The following CPED1 variants were observed in gnomAD, a reference collection of about 807,000 sequenced individuals.
CPED1 encodes cadherin-like and PC-esterase domain-containing protein 1.
CPED1 carries 114 observed loss-of-function variants against 128.2 expected under a neutral mutation model. That is an observed-to-expected ratio of 0.89 (90% CI 0.76 to 1.04). CPED1 has a LOEUF of 1.04. Ranked by LOEUF, CPED1 falls within the 50% of genes least tolerant of loss-of-function variation. CPED1 has a pLI of 0.00. For missense variants in CPED1, 1,211 were observed against 1,207.1 expected (o/e 1.00, Z -0.05); for synonymous variants, 462 against 426.7 (o/e 1.08, Z -1.02).
At chr7:121,138,061 G>A (rs1409664329) in intron 14 of CPED1, among the ~76,000 whole-genome samples, 2 of 151,946 alleles carry the variant, frequency 1.3e-5, no homozygotes, top group Non-Finnish European at 1.5e-5. Flanking sequence ...AATTAGTCCT[G>A]CCTGGATCTT....
rs1321390630 is a variant in CPED1 at position 121,100,066 on chromosome 7, C to T, written c.890C>T (p.Pro297Leu). The change falls in exon 7 of 23, where the codon CCA becomes CTA. Residue 297 changes from proline to leucine, a missense_variant. Coordinates refer to ENST00000310396, the MANE Select transcript of CPED1 (RefSeq NM_024913.5). ...CATTCGACGGGCACAGTTTGGAATC[C>T]ACCAAAGAAAAAACGCTTCACTGTC... ...FIHSTGTVWN[P>L]PKKKRFTVKL... is the part of the protein sequence containing the mutation. The T allele has an allele frequency of 1.9e-6, 3 of 1,612,552 alleles. No individual in the cohort carries two copies. The highest frequency in any genetic ancestry group is 3.3e-5 in the Admixed American group (2 of 59,712).
chr7:121,212,297 C>A (rs553035589), intron 16 of CPED1, among the ~76,000 whole-genome samples: 1 of 152,112 alleles, frequency 6.6e-6, no homozygotes, highest in African/African-American at 2.4e-5. Flanking sequence ...AGCTAACATT[C>A]ACAGCTGGGA....
rs2116747427 is a variant in CPED1, at chr7:121,266,939, T to G, written c.2633+131T>G. On this transcript the variant is annotated intron_variant, in intron 20 of 22. Coordinates refer to ENST00000310396, the MANE Select transcript of CPED1 (RefSeq NM_024913.5). ...TATCATTAAGTACTTAAAGTCTAGT[T>G]TAAAATAATAAAGTAAAATAGTCTT... is the stretch of plus-strand genomic sequence containing the variant. 1.0e-5 allele frequency: 7 copies of G among 695,904 alleles called. No individual in the cohort carries two copies. In the South Asian group the frequency reaches 1.3e-4, roughly 13 times the overall value. The allele number at this position is 695,904 out of a possible 1,614,324, so 43.1% of individuals were successfully genotyped here. A position where few individuals can be genotyped will look rare whatever the true frequency, so the allele number is the denominator to read the frequency against.
intron 5 of CPED1, among the ~76,000 whole-genome samples, chr7:121,092,300 G>C (rs1794593071): frequency 6.6e-6 from 1 of 152,158 alleles, no homozygotes; most frequent in Non-Finnish European, 1.5e-5. Context: ...CAATAAGTTT[G>C]CCTTATACAA....
At chr7:121,059,167 T>C (rs927660002) in intron 4 of CPED1, among the ~76,000 whole-genome samples, 3 of 152,132 alleles carry the variant, frequency 2.0e-5, no homozygotes, top group Non-Finnish European at 4.4e-5. Context: ...AGCAGAGAGA[T>C]TGATTTCTAG....
At chr7:121,235,742 TAAAC>T (rs1251915853) in intron 16 of CPED1, among the ~76,000 whole-genome samples, 5 of 152,012 alleles carry the variant, frequency 3.3e-5, no homozygotes, top group African/African-American at 7.2e-5. Flanking sequence ...AGACAAATAA[TAAAC>T]AAACTAACAA....
chr7:121,273,670 G>A (rs1379712138), intron 22 of CPED1, among the ~76,000 whole-genome samples: 2 of 152,118 alleles, frequency 1.3e-5, no homozygotes, highest in African/African-American at 4.8e-5. Context: ...TCAGAGAAGT[G>A]AAAGCCTGCA....
rs190593917 is a variant in CPED1 at position 121,014,917 on chromosome 7, G to C, written c.250-748G>C. 9.0e-4 allele frequency among the ~76,000 whole-genome samples: 137 copies of C among 152,296 alleles called. 1 individual carries two copies. Among genetic ancestry groups the C allele is most frequent in the Admixed American group, 3.7e-3 (56 of 15,284 alleles). On this transcript the variant is annotated intron_variant, in intron 2 of 22. Coordinates refer to ENST00000310396, the MANE Select transcript of CPED1 (RefSeq NM_024913.5). ...CTCAAGTTTTCAGAAAAAACTGAGT[G>C]TCTGCCTTTAAGCCTTATAATGAAT... is the stretch of plus-strand genomic sequence containing the variant.
At chr7:121,105,548 T>C (rs1030599049) in intron 7 of CPED1, among the ~76,000 whole-genome samples, 7 of 152,130 alleles carry the variant, frequency 4.6e-5, no homozygotes, top group African/African-American at 1.7e-4. Flanking sequence ...CCTGAGAGTT[T>C]GTAAAAAGAG....
chr7:121,146,641 G>A (rs886726417), intron 16 of CPED1, among the ~76,000 whole-genome samples: 8 of 152,030 alleles, frequency 5.3e-5, no homozygotes, highest in Non-Finnish European at 8.8e-5. Flanking sequence ...ATAACATTTT[G>A]ATAAATAGTA....
chr7:121,099,415 T>C (rs958647646), intron 6 of CPED1, among the ~76,000 whole-genome samples: 1 of 152,242 alleles, frequency 6.6e-6, no homozygotes, highest in Admixed American at 6.5e-5. Flanking sequence ...TTGCCCAAGC[T>C]GAAGTGCAAT....
At chr7:121,268,818 C>T (rs893028903) in intron 21 of CPED1, among the ~76,000 whole-genome samples, 1 of 151,982 alleles carries the variant, frequency 6.6e-6, no homozygotes, top group Non-Finnish European at 1.5e-5. Flanking sequence ...GGGTAACTTC[C>T]AGTTACTCTT....
chr7:121,244,378 C>T, intron 18 of CPED1, 40 bp downstream of exon 18: 1 of 1,607,794 alleles, frequency 6.2e-7, no homozygotes, highest in Non-Finnish European at 8.5e-7. Flanking sequence ...TTAATGTATG[C>T]CACCTGAAGT....
In CPED1 at chr7:121,234,921, C is replaced by T. The variant is rs192354776; in HGVS notation, c.2056-1793C>T. On this transcript the variant is annotated intron_variant, in intron 16 of 22. Coordinates refer to ENST00000310396, the MANE Select transcript of CPED1 (RefSeq NM_024913.5). ...TGTTACTTAGTCCATTTAGATTTAT[C>T]CTTATACATATCCCTTATGTTTTTC... Among the ~76,000 whole-genome samples the T allele has an allele frequency of 7.9e-5, 12 of 152,152 alleles. 1 individual carries two copies. Among genetic ancestry groups the T allele is most frequent in the African/African-American group, 2.9e-4 (12 of 41,524 alleles).
intron 22 of CPED1, among the ~76,000 whole-genome samples, chr7:121,277,604 G>A (rs111228079): frequency 0.011 from 1,747 of 152,132 alleles, 33 homozygotes; most frequent in African/African-American, 0.04. Flanking sequence ...TCCACTGTGC[G>A]ATCTCTCAAG....
At chr7:121,158,205 G>A (rs1453370278) in intron 16 of CPED1, among the ~76,000 whole-genome samples, 12 of 152,108 alleles carry the variant, frequency 7.9e-5, no homozygotes, top group East Asian at 1.9e-4. Flanking sequence ...TGCTGTTTAA[G>A]GGTTTGCATG....
intron 3 of CPED1, among the ~76,000 whole-genome samples, chr7:121,021,515 TAAA>T (rs1484067096): frequency 1.3e-5 from 2 of 151,938 alleles, no homozygotes; most frequent in African/African-American, 4.8e-5. Flanking sequence ...TTATTTGTAA[TAAA>T]AAAGAAGCTA....
intron 7 of CPED1, among the ~76,000 whole-genome samples, chr7:121,113,346 A>G (rs2116272297): frequency 6.6e-6 from 1 of 152,308 alleles, no homozygotes; most frequent in East Asian, 1.9e-4. Context: ...AAATAACTCT[A>G]ATACAGGGCA....
At chr7:121,207,862 C>T (rs966981525) in intron 16 of CPED1, among the ~76,000 whole-genome samples, 2 of 152,012 alleles carry the variant, frequency 1.3e-5, no homozygotes, top group African/African-American at 4.8e-5. Context: ...ATTTGTCCAG[C>T]CAGTTACCCA....
Sources: allele counts gnomAD v4.1 joint callset (sites outside exome capture counted in the v4.1 genomes callset), GRCh38; gene constraint gnomAD v4.1.1; transcripts MANE v1.5; gene names NCBI Gene and HGNC (gene_info 2026-07-23, HGNC 2026-07-21).